LAMA2: variants seen among roughly 807,000 people sequenced by gnomAD.
LAMA2 encodes laminin subunit alpha-2.
LAMA2 carries 269 observed loss-of-function variants against 364.8 expected under a neutral mutation model. That is an observed-to-expected ratio of 0.74 (90% confidence interval 0.67 to 0.82). The LOEUF is 0.82. Among genes scored for constraint, LAMA2 ranks in the 40% least tolerant of loss-of-function variants. The pLI, the probability that LAMA2 is intolerant of heterozygous loss-of-function variation, is 0.00. For missense variants in LAMA2, 3,807 were observed against 3,873.2 expected (o/e 0.98, Z 0.45); for synonymous variants, 1,379 against 1,370.6 (o/e 1.01, Z -0.14).
chr6:129,081,693 A>G (rs73596774), intron 3 of LAMA2, among the ~76,000 whole-genome samples: 15 of 152,110 alleles, frequency 9.9e-5, no homozygotes, highest in Non-Finnish European at 2.1e-4. Flanking sequence ...TGATTCATTG[A>G]TTTTCCTAAG....
At chr6:128,884,806 T>C (rs958433199) in intron 1 of LAMA2, among the ~76,000 whole-genome samples, 1 of 152,180 alleles carries the variant, frequency 6.6e-6, no homozygotes, top group Non-Finnish European at 1.5e-5. Flanking sequence ...GACATAATAC[T>C]TTAATAATGT....
chr6:129,473,214 C>G lies in LAMA2; in HGVS notation c.7301C>G (p.Ala2434Gly), dbSNP rs769506673. The change falls in exon 52 of 65, where the codon GCC (alanine) becomes GGC (glycine). Residue 2434 changes from alanine to glycine, a missense_variant and splice_region_variant. Ala to Gly is a moderately conservative substitution (Grantham distance 60). Transcript: ENST00000421865. ...SFTLSRIQKQ[A>G]NISIVDIDTN... ...GTTAAACTTTCTTTCTCCTTTACAG[C>G]CAATATATCAATTGTAGATATAGAT... 1 of 1,586,224 alleles carries G rather than the reference C, an allele frequency of 6.3e-7. No homozygotes were observed. Among genetic ancestry groups the G allele is most frequent in the Admixed American group, 1.7e-5 (1 of 59,826 alleles).
chr6:129,394,144 G>T (rs2437095), intron 37 of LAMA2, among the ~76,000 whole-genome samples: 122,475 of 152,150 alleles, frequency 0.8, 49,419 homozygotes, highest in East Asian at 0.89. Flanking sequence ...CACCCTGTAT[G>T]TGATATTAAT....
intron 1 of LAMA2, among the ~76,000 whole-genome samples, chr6:129,009,081 A>T (rs9492186): frequency 0.022 from 3,338 of 152,246 alleles, 134 homozygotes; most frequent in African/African-American, 0.077. Flanking sequence ...ATGAATTTTG[A>T]GATAGGGATC....
intron 7 of LAMA2, among the ~76,000 whole-genome samples, chr6:129,154,025 A>G (rs1778962087): frequency 6.6e-6 from 1 of 152,250 alleles, no homozygotes; most frequent in South Asian, 2.1e-4. Context: ...TTCAAATTCT[A>G]TTAAAATGTG....
intron 9 of LAMA2, among the ~76,000 whole-genome samples, chr6:129,174,002 T>C (rs1780394822): frequency 6.6e-6 from 1 of 152,148 alleles, no homozygotes; most frequent in Admixed American, 6.5e-5. Context: ...TTGCTTTGTG[T>C]CTCACTACTG....
At chr6:129,328,126 A>G (rs2114532265) in intron 28 of LAMA2, 152 bp from the exon 29 acceptor site, 2 of 731,438 alleles carry the variant, frequency 2.7e-6, no homozygotes, top group Non-Finnish European at 2.5e-6. Context: ...ATACACATTA[A>G]GTATCAAAAT....
chr6:128,916,354 C>T (rs1778315892), intron 1 of LAMA2, among the ~76,000 whole-genome samples: 1 of 152,060 alleles, frequency 6.6e-6, no homozygotes, highest in South Asian at 2.1e-4. Context: ...TTGGTAGGCA[C>T]TCCAAAATAA....
intron 56 of LAMA2, among the ~76,000 whole-genome samples, chr6:129,490,201 G>A (rs1376203495): frequency 6.6e-6 from 1 of 152,196 alleles, no homozygotes; most frequent in Non-Finnish European, 1.5e-5. Context: ...TACAGCCTCA[G>A]GGCAATCCCT....
chr6:129,432,146 T>C (rs1781626964), intron 41 of LAMA2, among the ~76,000 whole-genome samples: 1 of 152,134 alleles, frequency 6.6e-6, no homozygotes, highest in South Asian at 2.1e-4. Context: ...AAGGATGAAA[T>C]TAAGCCTGGG....
intron 1 of LAMA2, among the ~76,000 whole-genome samples, chr6:129,030,829 G>C (rs1786168535): frequency 6.6e-6 from 1 of 151,874 alleles, no homozygotes. Context: ...ATTTTACTGA[G>C]CACCTATATG....
At chr6:129,026,643 C>T (rs940741918) in intron 1 of LAMA2, among the ~76,000 whole-genome samples, 2 of 152,118 alleles carry the variant, frequency 1.3e-5, no homozygotes, top group Non-Finnish European at 2.9e-5. Context: ...AGGTTTTATT[C>T]TCTAGGTGTT....
intron 1 of LAMA2, among the ~76,000 whole-genome samples, chr6:128,887,631 GGCCTA>G (rs1796812887): frequency 6.6e-6 from 1 of 152,088 alleles, no homozygotes. Flanking sequence ...CACTTTGGGA[GGCCTA>G]GGTGGGTGGA....
At chr6:129,432,122 C>CA (rs756761212) in intron 41 of LAMA2, among the ~76,000 whole-genome samples, 10 of 152,148 alleles carry the variant, frequency 6.6e-5, no homozygotes, top group Non-Finnish European at 1.5e-4. Context: ...CTATTGACCA[C>CA]AATTTTAGAC....
intron 61 of LAMA2, 91 bp from the exon 62 acceptor site, chr6:129,507,398 C>T (rs1306744381): frequency 7.4e-7 from 1 of 1,348,372 alleles, no homozygotes; most frequent in Non-Finnish European, 1.1e-6. Flanking sequence ...GATAACTACA[C>T]ACATAGAGCA....
chr6:129,427,679 A>G, intron 40 of LAMA2, 73 bp from the exon 41 acceptor site: 3 of 1,060,932 alleles, frequency 2.8e-6, no homozygotes, highest in Non-Finnish European at 4.4e-6. Flanking sequence ...TCTGTGTACC[A>G]ACTGCCTTCT....
At chr6:129,453,960 C>A (rs1485301331) in intron 46 of LAMA2, among the ~76,000 whole-genome samples, 195 bp from the exon 47 acceptor site, 2 of 132,018 alleles carry the variant, frequency 1.5e-5, no homozygotes, top group African/African-American at 2.8e-5. Context: ...TTTTTTTTTG[C>A]TTTAAGGATA....
intron 3 of LAMA2, among the ~76,000 whole-genome samples, chr6:129,077,564 A>G (rs1403229257): frequency 3.3e-5 from 5 of 152,226 alleles, no homozygotes; most frequent in Non-Finnish European, 5.9e-5. Context: ...GTATATATGC[A>G]CATAGATAAA....
chr6:129,488,661 A>G (rs945997565), intron 56 of LAMA2, among the ~76,000 whole-genome samples: 3 of 152,226 alleles, frequency 2.0e-5, no homozygotes, highest in African/African-American at 7.2e-5. Context: ...AGGATAATAT[A>G]TGACATATTA....
Sources: allele counts gnomAD v4.1 joint callset (sites outside exome capture counted in the v4.1 genomes callset), GRCh38; gene constraint gnomAD v4.1.1; transcripts MANE v1.5; gene names NCBI Gene and HGNC (gene_info 2026-07-23, HGNC 2026-07-21).